The following PRKCG variants were observed in gnomAD, a reference collection of about 807,000 sequenced individuals.
The protein encoded by PRKCG is protein kinase C gamma.
PRKCG carries 28 observed loss-of-function variants against 82.0 expected under a neutral mutation model. That is an observed-to-expected ratio of 0.34 (90% CI 0.25 to 0.47). The LOEUF (loss-of-function observed/expected upper bound fraction) is 0.47. Among genes scored for constraint, PRKCG ranks in the 20% least tolerant of loss-of-function variants. PRKCG has a pLI of 1.00. For synonymous variants in PRKCG, 383 were observed against 376.6 expected (o/e 1.02, Z -0.20); for missense variants, 640 against 952.7 (o/e 0.67, Z 4.32).
chr19:53,881,535 C>A (rs1396940276), upstream of PRKCG, among the ~76,000 whole-genome samples: 1 of 151,964 alleles, frequency 6.6e-6, no homozygotes, highest in Non-Finnish European at 1.5e-5. Context: ...GACTGATTCA[C>A]AGTGAGGCAG....
Position 53,907,044 on chromosome 19 carries a change from T to C in PRKCG, c.*149T>C, listed in dbSNP as rs2068819398. On this transcript the variant is annotated 3_prime_UTR_variant, in exon 18 of 18. Coordinates refer to ENST00000263431, the MANE Select transcript of PRKCG (RefSeq NM_002739.5). ...TGCCCCCGCGGGTTCTAGACGCCCC[T>C]CCCAAGCGTTCCTGGCCTTCTGAAC... 1 of 1,500,452 alleles carries C rather than the reference T, an allele frequency of 6.7e-7. No individual in the cohort carries two copies. Among genetic ancestry groups the C allele is most frequent in the Admixed American group, 2.1e-5 (1 of 47,420 alleles). The allele number at this position is 1,500,452 out of a possible 1,614,324, so 92.9% of individuals were successfully genotyped here.
In PRKCG at chr19:53,884,342, A is replaced by C; in HGVS notation, c.285+99A>C. 1.7e-6 allele frequency: 2 copies of C among 1,158,456 alleles called. No individual in the cohort carries two copies. The highest frequency in any genetic ancestry group is 1.3e-6 in the Non-Finnish European group (1 of 781,362). 71.8% of individuals were successfully genotyped at this position (1,158,456 alleles called of 1,614,324 possible). ...TTCTCCTGCTATTTTTATGGCTGGG[A>C]GGGGAGGGGGGCTGGAGAGATAGGG... On this transcript the variant is annotated intron_variant, in intron 3 of 17. Coordinates refer to ENST00000263431, the MANE Select transcript of PRKCG (RefSeq NM_002739.5). The surrounding 1 kb of genome is among the most constrained non-coding windows in gnomAD (Gnocchi z 4.6).
At chr19:53,885,451 C>T (rs1173966483) in intron 3 of PRKCG, among the ~76,000 whole-genome samples, 6 of 152,018 alleles carry the variant, frequency 3.9e-5, no homozygotes, top group Admixed American at 2.0e-4. Context: ...AGGCTGGTCT[C>T]GAACTCCTGA....
At chr19:53,901,530 C>T (rs558401203) in intron 14 of PRKCG, among the ~76,000 whole-genome samples, 39 of 101,266 alleles carry the variant, frequency 3.9e-4, no homozygotes, top group Middle Eastern at 0.023. Flanking sequence ...GGTGACAGAG[C>T]ATAACTTCAT....
chr19:53,903,993 C>T (rs1460774307), intron 15 of PRKCG, among the ~76,000 whole-genome samples: 1 of 152,182 alleles, frequency 6.6e-6, no homozygotes, highest in East Asian at 1.9e-4. Flanking sequence ...ATATCTGCAA[C>T]TCTCATGTGA....
intron 14 of PRKCG, 134 bp from the exon 15 acceptor site, chr19:53,902,939 A>G: frequency 1.5e-6 from 1 of 662,356 alleles, no homozygotes; most frequent in Non-Finnish European, 2.8e-6. Context: ...TCACCTGATG[A>G]AATAAATATT....
chr19:53,889,613 C>T lies in PRKCG; in HGVS notation c.286-25C>T. The T allele has an allele frequency of 6.2e-7, 1 of 1,600,642 alleles. No individual in the cohort carries two copies. The highest frequency in any genetic ancestry group is 1.3e-5 in the African/African-American group (1 of 74,708). On this transcript the variant is annotated intron_variant, in intron 3 of 17. Transcript: ENST00000263431. This position sits in a 1 kb window ranked among gnomAD's most constrained non-coding sequence, Gnocchi z 4.4. ...GGTTTTAGGACCCTCCCAACGCCCC[C>T]TAAGCCAGTCTTCTCTGCCCCCAGG... is the stretch of plus-strand genomic sequence containing the variant.
rs752827533 is a variant in PRKCG at position 53,900,343 on chromosome 19, A to G, written c.1373+19A>G. Reference sequence around the variant, plus strand: ...ATGCAGCGTGAGTCTCGGCCAACAGAGAATGGTCGGGGTGGTGGAAGGGGG... The same window carrying G: ...ATGCAGCGTGAGTCTCGGCCAACAGGGAATGGTCGGGGTGGTGGAAGGGGG... On this transcript the variant is annotated intron_variant, in intron 12 of 17. Transcript: ENST00000263431. This position sits in a 1 kb window ranked among gnomAD's most constrained non-coding sequence, Gnocchi z 4.2. The G allele has an allele frequency of 1.2e-6, 2 of 1,613,908 alleles. No homozygotes were observed. The highest frequency in any genetic ancestry group is 2.7e-5 in the African/African-American group (2 of 74,886).
At chr19:53,895,924 G>A (rs1468202786) in intron 9 of PRKCG, among the ~76,000 whole-genome samples, 2 of 152,096 alleles carry the variant, frequency 1.3e-5, no homozygotes, top group African/African-American at 4.8e-5. Flanking sequence ...GCTGGGCGTG[G>A]TGGTGGGTGC....
rs1555808689 is a variant in PRKCG, at chr19:53,906,084, C to CTTCTTCTTCCTCTTCTTCTTCTTCTT, written c.1765-233_1765-232insTTCTTCTTCCTCTTCTTCTTCTTCTT. On this transcript the variant is annotated intron_variant, in intron 16 of 17. Transcript: ENST00000263431. ...TCCTCCTCCTCCTCCTCCTCCTCCT[C>CTTCTTCTTCCTCTTCTTCTTCTTCTT]CTTCTTCTTCTTCTTCTTCTTCTTC... is the stretch of plus-strand genomic sequence containing the variant. Among the ~76,000 whole-genome samples, 6 of 27,986 alleles carry CTTCTTCTTCCTCTTCTTCTTCTTCTT rather than the reference C, an allele frequency of 2.1e-4. No individual in the cohort carries two copies. The African/African-American group carries it at 2.2e-3, about 10-fold the overall frequency. 18.4% of individuals were successfully genotyped at this position (27,986 alleles called of 152,430 possible).
At chr19:53,896,539 C>T (rs1357636282) in intron 9 of PRKCG, among the ~76,000 whole-genome samples, 1 of 152,138 alleles carries the variant, frequency 6.6e-6, no homozygotes, top group Non-Finnish European at 1.5e-5. Context: ...CCTGCCTTGG[C>T]CTCCCAAGTA....
Position 53,892,536 on chromosome 19 carries a change from C to T in PRKCG, c.714C>T (p.Arg238=), listed in dbSNP as rs367543210. Reference sequence around the variant, plus strand: ...ACCTGAAGCCAGGGGATGTGGAGCGCCGGCTCAGCGTGGAGGTGTGGGACT... The same window carrying T: ...ACCTGAAGCCAGGGGATGTGGAGCGTCGGCTCAGCGTGGAGGTGTGGGACT... ...VFNLKPGDVE[R]RLSVEVWDWD... is the part of the protein sequence containing the mutation. The change falls in exon 7 of 18, where the codon CGC becomes CGT. Residue 238 remains arginine, a synonymous_variant. Transcript: ENST00000263431. The surrounding 1 kb of genome is among the most constrained non-coding windows in gnomAD (Gnocchi z 5.9). 6.3e-5 allele frequency: 101 copies of T among 1,612,928 alleles called. No individual in the cohort carries two copies. The African/African-American group carries it at 1.2e-3, about 19-fold the overall frequency.
intron 5 of PRKCG, 115 bp downstream of exon 5, chr19:53,890,132 T>G (rs1288482626): frequency 8.5e-7 from 1 of 1,179,718 alleles, no homozygotes; most frequent in Admixed American, 2.0e-5. Flanking sequence ...CGCCTCTTTC[T>G]ATGGTCACGC....
chr19:53,889,974 G>C lies in PRKCG; in HGVS notation c.486G>C (p.Gln162His). The C allele has an allele frequency of 6.4e-7, 1 of 1,574,330 alleles. No individual in the cohort carries two copies. The highest frequency in any genetic ancestry group is 8.6e-7 in the Non-Finnish European group (1 of 1,161,680). ...ACACCGAGCGCCGCGGGCGCCTGCA[G>C]CTGGAGATCCGGGCTCCCACAGCAG... ...VDHTERRGRL[Q>H]LEIRAPTADE... The change falls in exon 5 of 18, where the codon CAG (glutamine) becomes CAC (histidine). Residue 162 changes from glutamine (Q) to histidine (H), a missense_variant. Physicochemically the swap from Gln to His is conservative, Grantham distance 24. Transcript: ENST00000263431. The surrounding 1 kb of genome is among the most constrained non-coding windows in gnomAD (Gnocchi z 4.4).
Position 53,889,634 on chromosome 19 carries a change from C to G in PRKCG, c.286-4C>G, listed in dbSNP as rs1213626221. The G allele has an allele frequency of 4.3e-6, 7 of 1,613,754 alleles. No homozygotes were observed. The highest frequency in any genetic ancestry group is 1.7e-5 in the Admixed American group (1 of 59,996). Reference sequence around the variant, plus strand: ...CCCCCTAAGCCAGTCTTCTCTGCCCCCAGGACCCCCGGAACAAACACAAGT... The same window carrying G: ...CCCCCTAAGCCAGTCTTCTCTGCCCGCAGGACCCCCGGAACAAACACAAGT... On this transcript the variant is annotated splice_polypyrimidine_tract_variant and splice_region_variant and intron_variant, in intron 3 of 17. Transcript: ENST00000263431. The surrounding 1 kb of genome is among the most constrained non-coding windows in gnomAD (Gnocchi z 4.4).
At chr19:53,888,924 C>T (rs1239690678) in intron 3 of PRKCG, among the ~76,000 whole-genome samples, 3 of 152,002 alleles carry the variant, frequency 2.0e-5, no homozygotes, top group Non-Finnish European at 4.4e-5. Context: ...AGCGAGGCCC[C>T]CCTGCCACTC....
Position 53,882,198 on chromosome 19 carries a change from C to T in PRKCG, c.-297C>T. 2 of 439,428 alleles carry T rather than the reference C, an allele frequency of 4.6e-6. No homozygotes were observed. The highest frequency in any genetic ancestry group is 2.1e-5 in the South Asian group (1 of 47,886). 27.2% of individuals were successfully genotyped at this position (439,428 alleles called of 1,614,324 possible). On this transcript the variant is annotated 5_prime_UTR_variant, in exon 1 of 18. Transcript: ENST00000263431. This position sits in a 1 kb window ranked among gnomAD's most constrained non-coding sequence, Gnocchi z 6.1. ...CGCCTCCCCCAACCCGGGGCTCCCA[C>T]ATTTCAGCAGGTGCCGGAGCTGGAG...
chr19:53,896,723 A>G (rs184303854), intron 9 of PRKCG, among the ~76,000 whole-genome samples: 139 of 152,274 alleles, frequency 9.1e-4, no homozygotes, highest in Non-Finnish European at 1.7e-3. Flanking sequence ...CCCAGCCCTC[A>G]ACAAATATTT....
chr19:53,898,796 T>C (rs917024935), intron 11 of PRKCG, among the ~76,000 whole-genome samples, 168 bp downstream of exon 11: 2 of 6,376 alleles, frequency 3.1e-4, no homozygotes, highest in Non-Finnish European at 3.3e-4. Context: ...GGGGGGTCCT[T>C]GGGGGGCGTG....
Sources: allele counts gnomAD v4.1 joint callset (sites outside exome capture counted in the v4.1 genomes callset), GRCh38; gene constraint gnomAD v4.1.1; non-coding constraint Gnocchi (gnomAD v3.1); transcripts MANE v1.5; gene names NCBI Gene and HGNC (gene_info 2026-07-23, HGNC 2026-07-21).